IST1: variants seen among roughly 807,000 people sequenced by gnomAD.
IST1 encodes IST1 homolog.
A neutral mutation model predicts 37.0 loss-of-function variants in IST1; 23 were observed. The ratio of observed to expected loss-of-function variants is 0.62; its 90% CI spans 0.45 to 0.88. IST1 has a LOEUF of 0.88. IST1 is among the 40% of genes least tolerant of loss of function. IST1 has a pLI of 0.00. For synonymous variants in IST1, 180 were observed against 161.7 expected, an observed-to-expected ratio of 1.11 and a Z score of -0.86; for missense variants, 488 against 445.4, an observed-to-expected ratio of 1.10 and a Z score of -0.86.
intron 4 of IST1, among the ~76,000 whole-genome samples, chr16:71,918,606 C>T (rs150292648): frequency 0.11 from 16,373 of 151,870 alleles, 1,148 homozygotes; most frequent in Non-Finnish European, 0.15. Context: ...TTGGTAGAGA[C>T]GGGATTTCAT....
At chr16:71,905,739 A>T (rs1181317752) in intron 1 of IST1, among the ~76,000 whole-genome samples, 1 of 152,076 alleles carries the variant, frequency 6.6e-6, no homozygotes, top group African/African-American at 2.4e-5. Context: ...GGAGTATGAA[A>T]ACCTTACTAT....
intron 4 of IST1, among the ~76,000 whole-genome samples, chr16:71,919,099 C>G (rs1178118650): frequency 1.3e-5 from 2 of 152,122 alleles, no homozygotes; most frequent in Non-Finnish European, 2.9e-5. Context: ...TTGTCCAAAA[C>G]ACAGCTCCGA....
chr16:71,927,958 C>T lies in IST1; in HGVS notation c.*145C>T, dbSNP rs1012057364. On this transcript the variant is annotated 3_prime_UTR_variant, in exon 10 of 10. Transcript: ENST00000378799. ...CCTCTGGGCTCTCTTCCTGCTCCTC[C>T]AGATTCTGCTGCTTTCCAGTTCTCT... 1.3e-5 allele frequency: 8 copies of T among 637,836 alleles called. No homozygotes were observed. The South Asian group carries it at 1.5e-4, about 12-fold the overall frequency. 39.5% of individuals were successfully genotyped at this position (637,836 alleles called of 1,614,324 possible). A position where few individuals can be genotyped will look rare whatever the true frequency, so the allele number is the denominator to read the frequency against.
intron 1 of IST1, among the ~76,000 whole-genome samples, chr16:71,910,644 G>A (rs771794777): frequency 1.3e-5 from 2 of 151,578 alleles, no homozygotes; most frequent in African/African-American, 4.8e-5. Flanking sequence ...AAGGTACTAT[G>A]TATAGGATTC....
Position 71,929,690 on chromosome 16 carries a change from A to G in IST1, c.*1877A>G, listed in dbSNP as rs2037851953. On this transcript the variant is annotated 3_prime_UTR_variant, in exon 10 of 10. Transcript: ENST00000378799. ...AGTGCAGCTTCTTTCTGAGTATTGA[A>G]GACAAAAAGAGAAAAGTGAGAAAAT... The G allele has an allele frequency of 6.6e-7, 1 of 1,520,674 alleles. No homozygotes were observed. The highest frequency in any genetic ancestry group is 2.3e-5 in the Admixed American group (1 of 42,590). 94.2% of individuals were successfully genotyped at this position (1,520,674 alleles called of 1,614,324 possible).
chr16:71,914,509 A>G (rs766443573), intron 1 of IST1, among the ~76,000 whole-genome samples: 2 of 151,924 alleles, frequency 1.3e-5, no homozygotes, highest in Non-Finnish European at 2.9e-5. Flanking sequence ...CCAATGTCTC[A>G]CATACAGGTA....
At chr16:71,922,394 A>G (rs1248351898) in intron 6 of IST1, 80 bp from the exon 7 acceptor site, 16 of 1,181,392 alleles carry the variant, frequency 1.4e-5, no homozygotes, top group Non-Finnish European at 1.6e-5. Context: ...CTTTATGCTA[A>G]TCTCCATCTC....
Position 71,923,304 on chromosome 16 carries a change from T to C in IST1, c.776T>C (p.Leu259Pro). Residue 259 changes from leucine (L) to proline (P), a missense_variant, in exon 8 of 10, where the codon CTG becomes CCG. This residue lies in a region of IST1 where 455 missense variants were observed against 386.2 expected (regional missense o/e 1.18). Coordinates refer to ENST00000378799, the MANE Select transcript of IST1 (RefSeq NM_001270975.2). ...CTCTTACAGTCAGATTTCAATGGAC[T>C]GCCAATGGGGACTTATCAGGCCTTT... ...LPKGPSDFNGLPMGTYQAFPN... is the reference protein window; with the variant it reads ...LPKGPSDFNGPPMGTYQAFPN... 1 of 1,609,672 alleles carries C rather than the reference T, an allele frequency of 6.2e-7. No individual in the cohort carries two copies. Among genetic ancestry groups the C allele is most frequent in the East Asian group, 2.2e-5 (1 of 44,710 alleles).
Position 71,929,670 on chromosome 16 carries a change from A to G in IST1, c.*1857A>G. Reference sequence around the variant, plus strand: ...TCTGTAGCAGTGTATCTATTAGTGCAGCTTCTTTCTGAGTATTGAAGACAA... The same window carrying G: ...TCTGTAGCAGTGTATCTATTAGTGCGGCTTCTTTCTGAGTATTGAAGACAA... On this transcript the variant is annotated 3_prime_UTR_variant, in exon 10 of 10. Transcript: ENST00000378799. 6.5e-7 allele frequency: 1 copy of G among 1,545,432 alleles called. No homozygotes were observed. Among genetic ancestry groups the G allele is most frequent in the Non-Finnish European group, 8.7e-7 (1 of 1,145,002 alleles).
rs1016087739 is a variant in IST1, at chr16:71,930,918, C to T, written c.*3105C>T. The T allele has an allele frequency of 6.6e-6, 1 of 152,154 alleles. No homozygotes were observed. The highest frequency in any genetic ancestry group is 1.5e-5 in the Non-Finnish European group (1 of 68,036). The allele number at this position is 152,154 out of a possible 1,614,324, so 9.4% of individuals were successfully genotyped here. On this transcript the variant is annotated 3_prime_UTR_variant, in exon 10 of 10. Transcript: ENST00000378799. Reference sequence around the variant, plus strand: ...CAGTCAATGCCACCCTGATGGAAATCTATATGGCAAAATATTTTCAAGCAC... The same window carrying T: ...CAGTCAATGCCACCCTGATGGAAATTTATATGGCAAAATATTTTCAAGCAC...
intron 1 of IST1, among the ~76,000 whole-genome samples, chr16:71,899,575 A>G (rs1404487609): frequency 6.6e-6 from 1 of 151,970 alleles, no homozygotes; most frequent in Non-Finnish European, 1.5e-5. Flanking sequence ...TTATAAGAAC[A>G]ACAACAAAAG....
intron 1 of IST1, among the ~76,000 whole-genome samples, chr16:71,904,289 A>G (rs2037172591): frequency 6.6e-6 from 1 of 151,988 alleles, no homozygotes; most frequent in Non-Finnish European, 1.5e-5. Context: ...ACGCCTGGCT[A>G]ATTTTTTATT....
At position 71,917,073 on chromosome 16, in the gene IST1, C is replaced by G; in HGVS notation, c.296C>G (p.Ser99Cys). ...GAACTAGATTCTGGTCTGGCTGAAT[C>G]TGTGTCTACATTGATCTGGGCTGCT... ...MKELDSGLAE[S>C]VSTLIWAAPR... is the part of the protein sequence containing the mutation. Residue 99 changes from serine to cysteine, a missense_variant, in exon 4 of 10, where the codon TCT (serine) becomes TGT (cysteine). Coordinates refer to ENST00000378799, the MANE Select transcript of IST1 (RefSeq NM_001270975.2). 6.2e-7 allele frequency: 1 copy of G among 1,611,062 alleles called. No homozygotes were observed. The highest frequency in any genetic ancestry group is 1.1e-5 in the South Asian group (1 of 90,466).
Position 71,929,582 on chromosome 16 carries a change from T to TC in IST1, c.*1770dup. ...ACTTCAGTGTCACTGCCCACTGCTG[T>TC]CGTGGCTGCTTGCTCAGATGAGGTT... On this transcript the variant is annotated 3_prime_UTR_variant, in exon 10 of 10. Coordinates refer to ENST00000378799, the MANE Select transcript of IST1 (RefSeq NM_001270975.2). 6.4e-7 allele frequency: 1 copy of TC among 1,551,810 alleles called. No homozygotes were observed. The highest frequency in any genetic ancestry group is 8.7e-7 in the Non-Finnish European group (1 of 1,147,016).
At chr16:71,923,202 G>T (rs766002619) in intron 7 of IST1, 86 bp from the exon 8 acceptor site, 2 of 681,100 alleles carry the variant, frequency 2.9e-6, no homozygotes, top group South Asian at 1.9e-5. Context: ...GAATATAAAT[G>T]TATTTCTTTC....
intron 9 of IST1, among the ~76,000 whole-genome samples, chr16:71,927,123 CA>C (rs2037762284): frequency 6.6e-6 from 1 of 152,084 alleles, no homozygotes; most frequent in Admixed American, 6.6e-5. Flanking sequence ...TTTTTCTCAC[CA>C]CAGGAAAGTA....
At chr16:71,924,389 G>A (rs923035034) in intron 8 of IST1, 39 of 381,352 alleles carry the variant, frequency 1.0e-4, no homozygotes, top group South Asian at 2.1e-4. Context: ...GCAGGCGTTC[G>A]AGACCAGCCT....
At chr16:71,908,331 G>A (rs1597240112) in intron 1 of IST1, among the ~76,000 whole-genome samples, 1 of 92,376 alleles carries the variant, frequency 1.1e-5, no homozygotes, top group African/African-American at 4.2e-5. Flanking sequence ...AGACAGTCTT[G>A]CTCTGTCGCC....
chr16:71,905,408 C>T (rs1422181767), intron 1 of IST1, among the ~76,000 whole-genome samples: 1 of 127,476 alleles, frequency 7.8e-6, no homozygotes. Flanking sequence ...GAGACAGTTT[C>T]ACTCTCGTTG....
Sources: allele counts gnomAD v4.1 joint callset (sites outside exome capture counted in the v4.1 genomes callset), GRCh38; gene constraint gnomAD v4.1.1; regional missense constraint gnomAD v4.1.1; transcripts MANE v1.5; gene names NCBI Gene and HGNC (gene_info 2026-07-23, HGNC 2026-07-21).